Variants in DHX8 observed in about 807,000 individuals in gnomAD.
The protein encoded by DHX8 is ATP-dependent RNA helicase DHX8.
DHX8 carries 67 observed loss-of-function variants against 140.7 expected under a neutral mutation model. That is an observed-to-expected ratio of 0.48 (90% confidence interval 0.39 to 0.58). The LOEUF is 0.58. Ranked by LOEUF, DHX8 falls within the 20% of genes least tolerant of loss-of-function variation. DHX8 has a pLI of 0.00. For missense variants in DHX8, 887 were observed against 1,550.7 expected (o/e 0.57, Z 7.19); for synonymous variants, 533 against 553.2 (o/e 0.96, Z 0.51).
chr17:43,498,719 G>T, intron 9 of DHX8, 143 bp from the exon 10 acceptor site: 1 of 570,454 alleles, frequency 1.8e-6, no homozygotes, highest in Non-Finnish European at 3.0e-6. Flanking sequence ...AAAGTGCTGA[G>T]ATTACAGGCG....
intron 19 of DHX8, among the ~76,000 whole-genome samples, chr17:43,520,523 T>C (rs754422258): frequency 4.6e-5 from 7 of 152,218 alleles, no homozygotes; most frequent in African/African-American, 9.7e-5. Context: ...TCTGCAAAAT[T>C]CTCATCTACC....
Position 43,504,843 on chromosome 17 carries a change from A to G in DHX8, c.1728+18A>G. ...TGGTCCAGGTGAGAAGACTTTTATG[A>G]TGTATTGGTGGGGAGTAGGGTTATT... On this transcript the variant is annotated intron_variant, in intron 12 of 22. Transcript: ENST00000262415. The G allele has an allele frequency of 1.2e-6, 2 of 1,607,348 alleles. No homozygotes were observed. The highest frequency in any genetic ancestry group is 1.7e-6 in the Non-Finnish European group (2 of 1,176,562).
intron 4 of DHX8, 74 bp from the exon 5 acceptor site, chr17:43,492,109 A>G: frequency 2.0e-6 from 2 of 990,108 alleles, no homozygotes; most frequent in East Asian, 4.8e-5. Context: ...TTAGTGATTT[A>G]TAGATGTACC....
chr17:43,536,913 A>G (rs1971273100), intron 3 of DHX8, among the ~76,000 whole-genome samples: 1 of 152,246 alleles, frequency 6.6e-6, no homozygotes, highest in Admixed American at 6.5e-5. Context: ...AGCAGATTCC[A>G]GTCTTTCTTC....
Position 43,522,432 on chromosome 17 carries a change from GA to G in DHX8, c.3443+216del, listed in dbSNP as rs372876175. ...AAAATCATAGGGGTGAGACCTAGTT[GA>G]AAAAAAAAATTGTGGTTTAAAAAAC... On this transcript the variant is annotated intron_variant, in intron 22 of 22. Transcript: ENST00000262415. Among the ~76,000 whole-genome samples, 270 of 149,622 alleles carry G rather than the reference GA, an allele frequency of 1.8e-3. 1 individual carries two copies. Among genetic ancestry groups the G allele is most frequent in the South Asian group, 0.018 (84 of 4,738 alleles).
Position 43,525,566 on chromosome 17 carries a change from AG to A in DHX8, c.*1720del. 1 of 985,404 alleles carries A rather than the reference AG, an allele frequency of 1.0e-6. No homozygotes were observed. The allele number at this position is 985,404 out of a possible 1,614,324, so 61.0% of individuals were successfully genotyped here. On this transcript the variant is annotated 3_prime_UTR_variant, in exon 23 of 23. Transcript: ENST00000262415. ...TTAACCTTGAAGGCCTTCTGGGGAG[AG>A]ACAGTACAGGGACCTCAAATGAAAC...
intron 11 of DHX8, 152 bp from the exon 12 acceptor site, chr17:43,504,492 C>A: frequency 1.4e-6 from 1 of 722,874 alleles, no homozygotes; most frequent in East Asian, 2.6e-5. Context: ...ATATTCTTTT[C>A]TTCACATTAA....
chr17:43,495,451 T>A (rs942106385), intron 8 of DHX8, among the ~76,000 whole-genome samples: 2 of 152,112 alleles, frequency 1.3e-5, no homozygotes, highest in Admixed American at 6.6e-5. Flanking sequence ...GCTAATTTTT[T>A]AATTTTTTGT....
At position 43,523,616 on chromosome 17, in the gene DHX8, G is replaced by T; in HGVS notation, c.3444-12G>T. On this transcript the variant is annotated splice_polypyrimidine_tract_variant and intron_variant, in intron 22 of 22. Coordinates refer to ENST00000262415, the MANE Select transcript of DHX8 (RefSeq NM_004941.3). The stretch of plus-strand genomic sequence containing the variant: ...ATCCAGAGGCTTGAGTACTATCTCT[G>T]TCCCCCCTCAGGGTGGTGTACCATG... 1 of 1,613,850 alleles carries T rather than the reference G, an allele frequency of 6.2e-7. No individual in the cohort carries two copies. Among genetic ancestry groups the T allele is most frequent in the Non-Finnish European group, 8.5e-7 (1 of 1,179,866 alleles).
intron 18 of DHX8, chr17:43,519,036 G>A (rs984335646): frequency 2.0e-5 from 3 of 152,138 alleles, no homozygotes; most frequent in Non-Finnish European, 2.9e-5. Flanking sequence ...TCTACCTTTT[G>A]GCTATTATCA....
chr17:43,497,768 T>C (rs1332173863), intron 9 of DHX8, among the ~76,000 whole-genome samples: 1 of 151,934 alleles, frequency 6.6e-6, no homozygotes, highest in East Asian at 1.9e-4. Context: ...AAAAAAAAAT[T>C]ACTGGGTAGT....
At chr17:43,530,029 G>A (rs1375828795), downstream of DHX8, 7 of 1,610,820 alleles carry the variant, frequency 4.3e-6, no homozygotes, top group Non-Finnish European at 3.4e-6. Flanking sequence ...GGGACTCCTG[G>A]CCAGGGAGAC....
chr17:43,485,114 C>G (rs919985024), intron 1 of DHX8, among the ~76,000 whole-genome samples: 2 of 152,146 alleles, frequency 1.3e-5, no homozygotes, highest in Admixed American at 6.5e-5. Context: ...ATGGATTGAC[C>G]TTTGGTACGT....
intron 3 of DHX8, among the ~76,000 whole-genome samples, chr17:43,537,910 C>G (rs1214880781): frequency 6.6e-6 from 1 of 152,136 alleles, no homozygotes; most frequent in South Asian, 2.1e-4. Flanking sequence ...GGGCAGATCA[C>G]CAGGTCAGGA....
At chr17:43,526,787 A>G, downstream of DHX8, 1 of 1,083,720 alleles carries the variant, frequency 9.2e-7, no homozygotes, top group East Asian at 2.9e-5. Context: ...ATATATTTTT[A>G]AAACCTGTTT....
rs768913730 is a variant in DHX8 at position 43,489,533 on chromosome 17, C to T, written c.233C>T (p.Thr78Met). ...ASLVKNGAEF[T>M]DSLISNLLRL... Reference sequence around the variant, plus strand: ...CTCGTCAAAAATGGTGCAGAATTTACGGTATGTATATGTGGAGAAGATAAT... The same window carrying T: ...CTCGTCAAAAATGGTGCAGAATTTATGGTATGTATATGTGGAGAAGATAAT... The change falls in exon 2 of 23, where the codon ACG becomes ATG. Residue 78 changes from threonine (T) to methionine (M), a missense_variant and splice_region_variant. This residue lies in a region of DHX8 where 304 missense variants were observed against 306.9 expected (regional missense o/e 0.99). Transcript: ENST00000262415. 39 of 1,580,596 alleles carry T rather than the reference C, an allele frequency of 2.5e-5. No individual in the cohort carries two copies. Among genetic ancestry groups the T allele is most frequent in the East Asian group, 4.5e-5 (2 of 44,692 alleles).
At chr17:43,536,059 C>A (rs543048133) in intron 2 of DHX8, among the ~76,000 whole-genome samples, 7 of 152,248 alleles carry the variant, frequency 4.6e-5, no homozygotes, top group Non-Finnish European at 7.4e-5. Flanking sequence ...TGCAGTGAGC[C>A]GAGATTGTGC....
intron 21 of DHX8, among the ~76,000 whole-genome samples, chr17:43,521,786 T>C (rs1361608687): frequency 6.6e-6 from 1 of 152,214 alleles, no homozygotes; most frequent in Non-Finnish European, 1.5e-5. Flanking sequence ...TATCTGTTAG[T>C]TGTTGAAAAA....
chr17:43,500,803 C>G (rs188329443), intron 11 of DHX8, among the ~76,000 whole-genome samples: 12 of 151,802 alleles, frequency 7.9e-5, no homozygotes, highest in Non-Finnish European at 1.8e-4. Flanking sequence ...CCCAGCTACT[C>G]GAGAGACTGA....
Sources: gnomAD v4.1 joint callset for allele counts (sites outside exome capture counted in the v4.1 genomes callset) on GRCh38, gnomAD v4.1.1 for gene constraint, gnomAD v4.1.1 regional missense constraint, MANE v1.5 for transcripts, NCBI Gene and HGNC (gene_info 2026-07-23, HGNC 2026-07-21) for gene names.